CCDC171: variants seen among roughly 807,000 people sequenced by gnomAD.
CCDC171 encodes the protein coiled-coil domain-containing protein 171.
In CCDC171, 177 loss-of-function variants were observed where a neutral mutation model predicts 168.2. The observed-to-expected ratio is 1.05, with a 90% confidence interval of 0.93 to 1.19. The LOEUF (loss-of-function observed/expected upper bound fraction) is 1.19. Among genes scored for constraint, CCDC171 ranks in the 50% most tolerant of loss-of-function variants. The pLI, the probability that CCDC171 is intolerant of heterozygous loss-of-function variation, is 0.00. For missense variants in CCDC171, 1,991 were observed against 1,539.0 expected (o/e 1.29, Z -4.91); for synonymous variants, 687 against 540.8 (o/e 1.27, Z -3.75).
intron 6 of CCDC171, among the ~76,000 whole-genome samples, chr9:15,611,058 A>G (rs956341435): frequency 3.6e-4 from 55 of 152,216 alleles, no homozygotes; most frequent in Middle Eastern, 3.4e-3. Context: ...TCCTCTTGGT[A>G]CTATCCTCAT....
chr9:15,873,924 C>A (rs550630202), intron 23 of CCDC171, among the ~76,000 whole-genome samples: 36 of 152,134 alleles, frequency 2.4e-4, no homozygotes, highest in African/African-American at 8.7e-4. Flanking sequence ...AATTGTGTGA[C>A]TGTGTTGGTT....
chr9:15,753,013 T>G (rs763447801), intron 18 of CCDC171, among the ~76,000 whole-genome samples: 6 of 152,200 alleles, frequency 3.9e-5, no homozygotes, highest in Non-Finnish European at 8.8e-5. Flanking sequence ...GTATTTTTTC[T>G]TGTCACTGTG....
At chr9:15,822,954 G>C (rs948131559) in intron 21 of CCDC171, among the ~76,000 whole-genome samples, 1 of 152,164 alleles carries the variant, frequency 6.6e-6, no homozygotes, top group Non-Finnish European at 1.5e-5. Context: ...AACAATGATA[G>C]ACTGGATTAA....
In CCDC171 at chr9:15,980,981, C is replaced by T. The variant is rs370113869; in HGVS notation, n.369-39608C>T. Among the ~76,000 whole-genome samples the T allele has an allele frequency of 4.7e-4, 72 of 152,152 alleles. 2 individuals are homozygous for T. In the East Asian group the frequency reaches 0.011, roughly 22 times the overall value. The stretch of plus-strand genomic sequence containing the variant: ...GTGGAAGGCAAGAAAGAGCAAGTCA[C>T]GTCTTACATGGATGGCAGCAGGCAA... On this transcript the variant is annotated intron_variant and non_coding_transcript_variant, in intron 3 of 9. Transcript: ENST00000486641.
At chr9:16,074,417 G>A in the CCDC171 span, among the ~76,000 whole-genome samples, 6 of 152,046 alleles carry the variant, frequency 3.9e-5, no homozygotes, top group Non-Finnish European at 7.4e-5. Context: ...ATTTCCTATC[G>A]TTCAACTTCC....
chr9:15,698,921 A>G (rs545243573), intron 11 of CCDC171, among the ~76,000 whole-genome samples: 149 of 152,294 alleles, frequency 9.8e-4, no homozygotes, highest in African/African-American at 3.3e-3. Context: ...GTTATTGTGA[A>G]TAATACTCTA....
intron 11 of CCDC171, among the ~76,000 whole-genome samples, chr9:15,697,985 A>G (rs1009467021): frequency 1.3e-5 from 2 of 152,316 alleles, no homozygotes; most frequent in Non-Finnish European, 2.9e-5. Context: ...CACCTTGAAC[A>G]TTTAGCATTT....
At chr9:15,697,869 A>G (rs1340377910) in intron 11 of CCDC171, among the ~76,000 whole-genome samples, 1 of 152,188 alleles carries the variant, frequency 6.6e-6, no homozygotes, top group Non-Finnish European at 1.5e-5. Flanking sequence ...AAATGGATAC[A>G]GAATAATTTT....
Position 15,744,289 on chromosome 9 carries a change from C to A in CCDC171, c.2066C>A (p.Ala689Asp), listed in dbSNP as rs778804928. ...CTTCCATAGAAATTTCAAGAAATTGCTGAAAAAAACATGGAAAAATTGAAC... is the reference window on the plus strand; with the variant it reads ...CTTCCATAGAAATTTCAAGAAATTGATGAAAAAAACATGGAAAAATTGAAC... Reference protein sequence around the residue: ...QKRAQKFQEIAEKNMEKLNHI... With the variant: ...QKRAQKFQEIDEKNMEKLNHI... The change falls in exon 17 of 26, where the codon GCT (alanine) becomes GAT (aspartate). Residue 689 changes from alanine to aspartate, a missense_variant. Transcript: ENST00000380701. The A allele has an allele frequency of 3.2e-6, 5 of 1,577,712 alleles. No homozygotes were observed. Among genetic ancestry groups the A allele is most frequent in the African/African-American group, 1.4e-5 (1 of 73,004 alleles).
At chr9:15,743,052 T>C (rs10962131) in intron 16 of CCDC171, among the ~76,000 whole-genome samples, 1,526 of 151,982 alleles carry the variant, frequency 0.01, 14 homozygotes, top group Non-Finnish European at 0.016. Flanking sequence ...GTGCTGGGAT[T>C]ATAGGTGTGA....
At chr9:16,049,379 A>G (rs1833715350) in intron 1 of CCDC171, among the ~76,000 whole-genome samples, 1 of 152,216 alleles carries the variant, frequency 6.6e-6, no homozygotes, top group African/African-American at 2.4e-5. Context: ...TGTGTCTGTG[A>G]GGATGTTTCC....
At chr9:15,941,512 A>G (rs1477620290) in intron 25 of CCDC171, among the ~76,000 whole-genome samples, 1 of 152,002 alleles carries the variant, frequency 6.6e-6, no homozygotes, top group African/African-American at 2.4e-5. Flanking sequence ...AAAAAAGATA[A>G]TTAGGGAAAT....
intron 21 of CCDC171, among the ~76,000 whole-genome samples, chr9:15,809,646 C>T (rs1272197288): frequency 1.3e-5 from 2 of 152,018 alleles, no homozygotes; most frequent in Non-Finnish European, 2.9e-5. Flanking sequence ...GTTGTTCATT[C>T]CTCCTGGTGG....
intron 7 of CCDC171, among the ~76,000 whole-genome samples, chr9:15,623,778 C>A (rs1275802446): frequency 1.3e-5 from 2 of 152,076 alleles, no homozygotes; most frequent in Non-Finnish European, 2.9e-5. Flanking sequence ...GGTTCTAAAT[C>A]ATAAAAGTAA....
intron 24 of CCDC171, among the ~76,000 whole-genome samples, chr9:15,904,827 A>T (rs1055468107): frequency 4.6e-5 from 7 of 151,842 alleles, no homozygotes; most frequent in African/African-American, 7.3e-5. Context: ...ATGGAGGAAG[A>T]TCTACCAAGC....
chr9:15,744,080 C>T (rs1417997574), intron 16 of CCDC171, among the ~76,000 whole-genome samples, 193 bp from the exon 17 acceptor site: 1 of 152,100 alleles, frequency 6.6e-6, no homozygotes, highest in Non-Finnish European at 1.5e-5. Context: ...AATCAATGTG[C>T]ACATTCAGAT....
rs150267088 is a variant in CCDC171 at position 15,701,232 on chromosome 9, G to C, written c.1318+5895G>C. Among the ~76,000 whole-genome samples the C allele has an allele frequency of 5.9e-3, 900 of 152,236 alleles. 27 individuals carry two copies. The highest frequency in any genetic ancestry group is 0.04 in the Admixed American group (609 of 15,298). On this transcript the variant is annotated intron_variant, in intron 11 of 25. Coordinates refer to ENST00000380701, the MANE Select transcript of CCDC171 (RefSeq NM_173550.4). ...TGATTGTTTCCTTTGCTGGGCAGAA[G>C]CTATGTAGTTTAATATAGTCCCTTT...
chr9:15,709,425 A>G (rs184370330), intron 11 of CCDC171, among the ~76,000 whole-genome samples: 71 of 152,288 alleles, frequency 4.7e-4, no homozygotes, highest in African/African-American at 1.7e-3. Flanking sequence ...GAAAAGAACA[A>G]AGAATTAAAA....
upstream of CCDC171, among the ~76,000 whole-genome samples, chr9:16,038,506 T>G (rs938200941): frequency 6.6e-6 from 1 of 152,160 alleles, no homozygotes; most frequent in Non-Finnish European, 1.5e-5. Context: ...CAAGTATGTG[T>G]GTTAAAAATG....
Sources: allele counts gnomAD v4.1 joint callset (sites outside exome capture counted in the v4.1 genomes callset), GRCh38; gene constraint gnomAD v4.1.1; transcripts MANE v1.5; gene names NCBI Gene and HGNC (gene_info 2026-07-23, HGNC 2026-07-21).